TMEM181: variants seen among roughly 807,000 people sequenced by gnomAD.
TMEM181 encodes G protein-coupled receptor 178.
In TMEM181, 39 loss-of-function variants were observed where a neutral mutation model predicts 71.9. The observed-to-expected ratio is 0.54, with a 90% CI of 0.42 to 0.71. The LOEUF (loss-of-function observed/expected upper bound fraction) is 0.71, where lower values mean the gene tolerates loss of function less well. Ranked by LOEUF, TMEM181 falls within the 30% of genes least tolerant of loss-of-function variation. TMEM181 has a pLI of 0.00. For missense variants in TMEM181, 595 were observed against 583.0 expected (o/e 1.02, Z -0.21); for synonymous variants, 245 against 228.8 (o/e 1.07, Z -0.64).
intron 1 of TMEM181, among the ~76,000 whole-genome samples, chr6:158,566,352 T>G (rs1782493619): frequency 1.3e-5 from 2 of 149,830 alleles, no homozygotes; most frequent in African/African-American, 4.9e-5. Flanking sequence ...ACCAAGGGAG[T>G]GAGAGTAGAG....
At chr6:158,538,265 C>A (rs976597971) in intron 1 of TMEM181, among the ~76,000 whole-genome samples, 2 of 151,766 alleles carry the variant, frequency 1.3e-5, no homozygotes, top group African/African-American at 4.8e-5. Context: ...ACCAAGCAAT[C>A]CTTCTACCTC....
chr6:158,600,347 T>C (rs1784601352), intron 6 of TMEM181, among the ~76,000 whole-genome samples: 1 of 151,944 alleles, frequency 6.6e-6, no homozygotes, highest in South Asian at 2.1e-4. Context: ...ACAGGGTTTC[T>C]CCATGTTGGT....
chr6:158,623,302 T>G (rs1786079255), intron 10 of TMEM181, among the ~76,000 whole-genome samples: 1 of 152,206 alleles, frequency 6.6e-6, no homozygotes, highest in Non-Finnish European at 1.5e-5. Flanking sequence ...TTTTGTGTAA[T>G]AAAAAATACT....
chr6:158,614,158 T>C (rs1785480140), intron 10 of TMEM181, among the ~76,000 whole-genome samples: 1 of 152,348 alleles, frequency 6.6e-6, no homozygotes, highest in East Asian at 1.9e-4. Flanking sequence ...TTACCTCTTT[T>C]CTGGATGCTC....
chr6:158,554,246 C>T (rs534273688), intron 1 of TMEM181, among the ~76,000 whole-genome samples: 5 of 151,656 alleles, frequency 3.3e-5, no homozygotes, highest in Admixed American at 6.6e-5. Flanking sequence ...CCACCACGCC[C>T]GGCTAATTTT....
intron 1 of TMEM181, among the ~76,000 whole-genome samples, chr6:158,538,274 T>G (rs1192542961): frequency 6.6e-6 from 1 of 151,666 alleles, no homozygotes; most frequent in Non-Finnish European, 1.5e-5. Flanking sequence ...TCCTTCTACC[T>G]CAGCCTCCTG....
intron 1 of TMEM181, among the ~76,000 whole-genome samples, chr6:158,571,260 C>CCATCTGCAGTGTTAA (rs1441938138): frequency 6.6e-6 from 1 of 152,100 alleles, no homozygotes; most frequent in Non-Finnish European, 1.5e-5. Flanking sequence ...CCGCGCCCGG[C>CCATCTGCAGTGTTAA]TAATTTTTTG....
At chr6:158,558,304 T>C (rs773010760), upstream of TMEM181, among the ~76,000 whole-genome samples, 1 of 152,180 alleles carries the variant, frequency 6.6e-6, no homozygotes, top group Non-Finnish European at 1.5e-5. Flanking sequence ...CAAATGTGCT[T>C]TGTTTAGTCC....
At chr6:158,610,166 G>A (rs558054553) in intron 10 of TMEM181, 58 of 224,580 alleles carry the variant, frequency 2.6e-4, no homozygotes, top group Non-Finnish European at 5.3e-4. Context: ...TGATGTTCTG[G>A]GACAGGCATG....
intron 10 of TMEM181, among the ~76,000 whole-genome samples, chr6:158,613,932 C>T (rs1196317024): frequency 1.3e-5 from 2 of 152,176 alleles, no homozygotes; most frequent in Non-Finnish European, 2.9e-5. Flanking sequence ...TGTTCGGATA[C>T]AATCAGAAAC....
chr6:158,629,539 C>T lies in TMEM181; in HGVS notation c.1193-191C>T, dbSNP rs150005901. On this transcript the variant is annotated intron_variant, in intron 14 of 16. Transcript: ENST00000684151. ...GTTCACCTGTTATTTACTGTGACCT[C>T]GAAGAGTGCTTGTGACCCCTGGCTG... 5.5e-3 allele frequency among the ~76,000 whole-genome samples: 831 copies of T among 151,930 alleles called. 9 individuals are homozygous for T. The highest frequency in any genetic ancestry group is 0.018 in the African/African-American group (746 of 41,322).
intron 11 of TMEM181, among the ~76,000 whole-genome samples, chr6:158,624,014 G>A (rs1184559309): frequency 2.6e-5 from 4 of 152,114 alleles, no homozygotes; most frequent in Admixed American, 6.5e-5. Context: ...TACCCATCTC[G>A]GCCTCCCAAA....
intron 7 of TMEM181, among the ~76,000 whole-genome samples, 191 bp downstream of exon 7, chr6:158,605,538 A>G (rs1347232930): frequency 6.6e-6 from 1 of 152,204 alleles, no homozygotes; most frequent in Non-Finnish European, 1.5e-5. Context: ...ATGATGTGGT[A>G]TCATGTATTC....
At chr6:158,610,955 C>T (rs1053682236) in intron 10 of TMEM181, 13 of 423,492 alleles carry the variant, frequency 3.1e-5, no homozygotes, top group South Asian at 1.0e-4. Flanking sequence ...AGAATCTGAC[C>T]GTGGAGATCT....
At chr6:158,572,324 TC>T (rs1782900885) in intron 1 of TMEM181, 1 of 446,814 alleles carries the variant, frequency 2.2e-6, no homozygotes, top group Non-Finnish European at 4.5e-6. Flanking sequence ...TATGTCCATC[TC>T]CCTGGGTGGA....
At chr6:158,582,244 A>C (rs1008255764) in intron 3 of TMEM181, among the ~76,000 whole-genome samples, 1 of 152,094 alleles carries the variant, frequency 6.6e-6, no homozygotes, top group Non-Finnish European at 1.5e-5. Context: ...CATCTTTTAC[A>C]GTTTCTGTCT....
intron 1 of TMEM181, among the ~76,000 whole-genome samples, chr6:158,571,222 A>G (rs566315784): frequency 1.5e-4 from 23 of 152,176 alleles, no homozygotes; most frequent in Non-Finnish European, 2.9e-4. Flanking sequence ...TCAGCCTCCC[A>G]AGTAGCTGGG....
chr6:158,582,936 C>T (rs1250756628), intron 3 of TMEM181, among the ~76,000 whole-genome samples: 1 of 152,140 alleles, frequency 6.6e-6, no homozygotes, highest in African/African-American at 2.4e-5. Flanking sequence ...CATATGGATA[C>T]TTCAGAAATA....
At chr6:158,611,696 CGAGGAATGCCGGG>C (rs1785321807) in intron 10 of TMEM181, 1 of 230,616 alleles carries the variant, frequency 4.3e-6, no homozygotes, top group Non-Finnish European at 8.7e-6. Context: ...CACCTGTGCC[CGAGGAATGCCGGG>C]GAGGAATGTA....
Sources: gnomAD v4.1 joint callset for allele counts (sites outside exome capture counted in the v4.1 genomes callset) on GRCh38, gnomAD v4.1.1 for gene constraint, MANE v1.5 for transcripts, NCBI Gene and HGNC (gene_info 2026-07-23, HGNC 2026-07-21) for gene names.